TSC22D1: variants seen among roughly 807,000 people sequenced by gnomAD.
TSC22D1 encodes the protein TSC22 domain family protein 1.
Under a neutral mutation model 74.2 loss-of-function variants are expected in TSC22D1, and 9 were observed. That is an observed-to-expected ratio of 0.12 (90% CI 0.07 to 0.21). The LOEUF is 0.21. TSC22D1 is among the 10% of genes least tolerant of loss of function. The pLI, the probability that TSC22D1 is intolerant of heterozygous loss-of-function variation, is 1.00. For missense variants in TSC22D1, 1,427 were observed against 1,304.7 expected (o/e 1.09, Z -1.44); for synonymous variants, 586 against 492.5 (o/e 1.19, Z -2.51).
intron 1 of TSC22D1, among the ~76,000 whole-genome samples, chr13:44,440,061 C>T (rs1271714220): frequency 6.6e-6 from 1 of 152,208 alleles, no homozygotes; most frequent in Non-Finnish European, 1.5e-5. Context: ...CTAGTTTACT[C>T]TCACTAGGCA....
intron 1 of TSC22D1, among the ~76,000 whole-genome samples, chr13:44,545,650 G>C (rs943149818): frequency 1.3e-5 from 2 of 150,766 alleles, no homozygotes; most frequent in African/African-American, 2.4e-5. Flanking sequence ...GTTGCGTTAC[G>C]TTCATAAGAG....
At chr13:44,477,932 C>T (rs551325016) in intron 1 of TSC22D1, among the ~76,000 whole-genome samples, 19 of 152,090 alleles carry the variant, frequency 1.2e-4, no homozygotes, top group South Asian at 6.2e-4. Flanking sequence ...TGAGCCACTG[C>T]GCCCAGCCTG....
chr13:44,442,793 T>C (rs2138874464), intron 1 of TSC22D1, among the ~76,000 whole-genome samples: 1 of 150,762 alleles, frequency 6.6e-6, no homozygotes, highest in African/African-American at 2.4e-5. Context: ...CACACACCTG[T>C]AATTCCAGCT....
At position 44,510,960 on chromosome 13, in the gene TSC22D1, A is replaced by T. The variant is rs1046859699; in HGVS notation, c.2912+62203T>A. Among the ~76,000 whole-genome samples the T allele has an allele frequency of 7.9e-5, 12 of 152,346 alleles. No individual in the cohort carries two copies. In the South Asian group the frequency reaches 2.3e-3, roughly 29 times the overall value. ...AGAACTCGTGGTAATTTGTGAAAAAATTATGAAAAATTGTATATACCAAGT... is the reference window on the plus strand; with the variant it reads ...AGAACTCGTGGTAATTTGTGAAAAATTTATGAAAAATTGTATATACCAAGT... On this transcript the variant is annotated intron_variant, in intron 1 of 2. Transcript: ENST00000458659.
intron 1 of TSC22D1, among the ~76,000 whole-genome samples, chr13:44,500,107 A>G (rs529939427): frequency 9.2e-5 from 14 of 151,684 alleles, no homozygotes; most frequent in South Asian, 2.1e-4. Context: ...AAAAAAAAAA[A>G]AAAAGAAAAG....
At chr13:44,448,961 C>A (rs1875906997) in intron 1 of TSC22D1, among the ~76,000 whole-genome samples, 2 of 152,002 alleles carry the variant, frequency 1.3e-5, no homozygotes, top group African/African-American at 4.8e-5. Flanking sequence ...AAGTGAAATG[C>A]CCTTCTGCTG....
chr13:44,557,471 A>G (rs1882733523), intron 1 of TSC22D1, among the ~76,000 whole-genome samples: 1 of 152,260 alleles, frequency 6.6e-6, no homozygotes, highest in Admixed American at 6.5e-5. Context: ...AAACAAAACA[A>G]AACAAAAAGT....
intron 1 of TSC22D1, among the ~76,000 whole-genome samples, chr13:44,471,178 GTACTTCA>G (rs1260497007): frequency 6.6e-6 from 1 of 151,988 alleles, no homozygotes; most frequent in African/African-American, 2.4e-5. Flanking sequence ...CTGTTCAAAA[GTACTTCA>G]TACTTTACCA....
intron 1 of TSC22D1, 152 bp from the exon 2 acceptor site, chr13:44,436,247 G>T: frequency 1.0e-6 from 1 of 978,872 alleles, no homozygotes; most frequent in South Asian, 1.6e-5. Context: ...GAAAATGCCA[G>T]CCCCTCTCTT....
At chr13:44,514,396 CA>C (rs2138019420) in intron 1 of TSC22D1, among the ~76,000 whole-genome samples, 1 of 151,804 alleles carries the variant, frequency 6.6e-6, no homozygotes, top group African/African-American at 2.4e-5. Flanking sequence ...GCATGCCCCC[CA>C]CATCACACAC....
intron 1 of TSC22D1, among the ~76,000 whole-genome samples, chr13:44,549,776 G>GAAAA (rs1305063154): frequency 2.9e-5 from 2 of 67,954 alleles, no homozygotes; most frequent in Non-Finnish European, 3.1e-5. Context: ...CAAAAAAAAA[G>GAAAA]AAAAAAAAAA....
intron 1 of TSC22D1, among the ~76,000 whole-genome samples, chr13:44,562,005 C>A (rs1418536875): frequency 6.6e-6 from 1 of 152,064 alleles, no homozygotes; most frequent in Non-Finnish European, 1.5e-5. Context: ...ATTTTATAAT[C>A]ATCTAAGGAC....
intron 1 of TSC22D1, chr13:44,437,214 C>T (rs1369570897): frequency 7.1e-6 from 7 of 985,540 alleles, no homozygotes; most frequent in Non-Finnish European, 8.4e-6. Context: ...GAGCTGTGTC[C>T]CGCGGCTGCT....
intron 1 of TSC22D1, among the ~76,000 whole-genome samples, chr13:44,524,680 A>C (rs1880468167): frequency 1.3e-5 from 2 of 151,878 alleles, no homozygotes; most frequent in Admixed American, 6.6e-5. Context: ...CTGAGTATTA[A>C]CAGCACCCGC....
intron 1 of TSC22D1, among the ~76,000 whole-genome samples, chr13:44,458,063 A>G (rs565058348): frequency 6.6e-6 from 1 of 152,320 alleles, no homozygotes; most frequent in African/African-American, 2.4e-5. Flanking sequence ...TTCACTTTTG[A>G]AACAGATAGG....
intron 1 of TSC22D1, among the ~76,000 whole-genome samples, chr13:44,535,645 A>C (rs996209609): frequency 1.3e-4 from 20 of 148,702 alleles, no homozygotes; most frequent in African/African-American, 3.8e-4. Context: ...AACAAACAAA[A>C]AAAACCATTT....
At position 44,438,983 on chromosome 13, in the gene TSC22D1, A is replaced by T. The variant is rs1248514013; in HGVS notation, c.2913-2888T>A. ...AAAAACAAAACTCTAAGGTCATATAAAAAAATTTTTAAATTCCAAGCTGCA... is the reference window on the plus strand; with the variant it reads ...AAAAACAAAACTCTAAGGTCATATATAAAAATTTTTAAATTCCAAGCTGCA... On this transcript the variant is annotated intron_variant, in intron 1 of 2. Coordinates refer to ENST00000458659, the MANE Select transcript of TSC22D1 (RefSeq NM_183422.4). Among the ~76,000 whole-genome samples the T allele has an allele frequency of 2.0e-5, 3 of 152,098 alleles. No homozygotes were observed. The East Asian group carries it at 5.8e-4, about 29-fold the overall frequency.
At chr13:44,436,282 C>T in intron 1 of TSC22D1, 187 bp from the exon 2 acceptor site, 1 of 879,290 alleles carries the variant, frequency 1.1e-6, no homozygotes, top group South Asian at 1.7e-5. Context: ...AGGCATCTCC[C>T]TATTTTAGTA....
At chr13:44,450,845 G>C (rs972802477) in intron 1 of TSC22D1, among the ~76,000 whole-genome samples, 1 of 152,208 alleles carries the variant, frequency 6.6e-6, no homozygotes, top group African/African-American at 2.4e-5. Context: ...CTCCTTGGGA[G>C]TGGATGAGAT....
Sources: allele counts gnomAD v4.1 joint callset (sites outside exome capture counted in the v4.1 genomes callset), GRCh38; gene constraint gnomAD v4.1.1; transcripts MANE v1.5; gene names NCBI Gene and HGNC (gene_info 2026-07-23, HGNC 2026-07-21).